Variants in GSE1 observed in about 807,000 individuals in gnomAD.
GSE1 encodes Gse1 coiled-coil protein.
A neutral mutation model predicts 112.6 loss-of-function variants in GSE1; 32 were observed. That is an observed-to-expected ratio of 0.28 (90% confidence interval 0.21 to 0.38). GSE1 has a LOEUF of 0.38. GSE1 is among the 10% of genes least tolerant of loss of function. The probability of loss-of-function intolerance (pLI) is 1.00; values close to 1 mark genes in which losing one functional copy is unlikely to be tolerated. For missense variants in GSE1, 2,348 were observed against 1,699.2 expected (o/e 1.38, Z -6.71); for synonymous variants, 1,115 against 735.6 (o/e 1.52, Z -8.35).
At chr16:85,589,810 ATGTGAGTGTGAATATGTGTGAATG>A (rs1567621337) in intron 1 of GSE1, among the ~76,000 whole-genome samples, 2 of 144,404 alleles carry the variant, frequency 1.4e-5, no homozygotes, top group African/African-American at 5.8e-5. Context: ...ACGTGTGTGA[ATGTGAGTGTGAATATGTGTGAATG>A]TGTGTGAACA....
chr16:85,298,046 A>T lies in GSE1; in HGVS notation c.2284-59417A>T, dbSNP rs77893521. ...AACAGATCACTGAGGGAAAAATGTA[A>T]AAGGCTGTAATCTCCATTCTCCAGA... On this transcript the variant is annotated intron_variant, in intron 1 of 2. Coordinates refer to the GSE1 transcript ENST00000637419. 5.4e-3 allele frequency among the ~76,000 whole-genome samples: 816 copies of T among 152,354 alleles called. 10 individuals carry two copies. Among genetic ancestry groups the T allele is most frequent in the African/African-American group, 0.019 (772 of 41,584 alleles).
chr16:85,323,654 C>T (rs1285831499), intron 1 of GSE1, among the ~76,000 whole-genome samples: 2 of 152,152 alleles, frequency 1.3e-5, no homozygotes, highest in East Asian at 3.8e-4. Flanking sequence ...ACTGCCCCCA[C>T]CCCTGATTCT....
At chr16:85,255,314 G>A (rs989946231) in intron 1 of GSE1, among the ~76,000 whole-genome samples, 11 of 152,132 alleles carry the variant, frequency 7.2e-5, no homozygotes, top group African/African-American at 2.7e-4. Context: ...GGCCCAGCCT[G>A]ACCCGCTGCC....
chr16:85,509,922 CAA>C (rs1319987147), intron 2 of GSE1, among the ~76,000 whole-genome samples: 1 of 152,234 alleles, frequency 6.6e-6, no homozygotes, highest in African/African-American at 2.4e-5. Context: ...CAGAAGCTGA[CAA>C]GAGCCATTTC....
intron 1 of GSE1, among the ~76,000 whole-genome samples, chr16:85,216,880 TCA>T (rs1174893617): frequency 2.0e-5 from 3 of 152,210 alleles, no homozygotes; most frequent in Non-Finnish European, 4.4e-5. Context: ...TCTACAGAAC[TCA>T]GTTTCCCCAA....
At chr16:85,196,294 C>T (rs2074925694) in intron 1 of GSE1, among the ~76,000 whole-genome samples, 1 of 152,052 alleles carries the variant, frequency 6.6e-6, no homozygotes, top group Non-Finnish European at 1.5e-5. Context: ...GAGAGAAGGC[C>T]CCTCTGTCCT....
chr16:85,560,955 C>T (rs1289402746), intron 1 of GSE1, among the ~76,000 whole-genome samples: 1 of 152,052 alleles, frequency 6.6e-6, no homozygotes, highest in Non-Finnish European at 1.5e-5. Context: ...ATGGTAAGAA[C>T]CCCTCTCTAC....
chr16:85,579,302 A>T (rs1469376011), intron 1 of GSE1, among the ~76,000 whole-genome samples: 2 of 152,074 alleles, frequency 1.3e-5, no homozygotes, highest in African/African-American at 4.8e-5. Flanking sequence ...TTTTCCAAAA[A>T]CTAACCCACC....
chr16:85,644,740 C>G (rs1333629501), intron 2 of GSE1, among the ~76,000 whole-genome samples: 1 of 152,010 alleles, frequency 6.6e-6, no homozygotes, highest in Non-Finnish European at 1.5e-5. Context: ...GGTCGCACAA[C>G]TCTGGACGTG....
At chr16:85,190,285 A>T (rs2074795090) in intron 1 of GSE1, among the ~76,000 whole-genome samples, 1 of 152,266 alleles carries the variant, frequency 6.6e-6, no homozygotes, top group Non-Finnish European at 1.5e-5. Context: ...ATATTTTTTA[A>T]TGCAGAAAAG....
chr16:85,632,294 C>T (rs1304196959), intron 1 of GSE1, among the ~76,000 whole-genome samples: 1 of 152,182 alleles, frequency 6.6e-6, no homozygotes, highest in African/African-American at 2.4e-5. Flanking sequence ...GGTGTGAGCT[C>T]TCACTGGGGA....
chr16:85,366,965 G>T (rs1214663953), intron 2 of GSE1, among the ~76,000 whole-genome samples: 2 of 152,330 alleles, frequency 1.3e-5, no homozygotes, highest in South Asian at 4.1e-4. Flanking sequence ...TGTCCCCGGG[G>T]CAGGGCCAGG....
At chr16:85,588,962 C>T (rs1012648590) in intron 1 of GSE1, among the ~76,000 whole-genome samples, 3 of 152,188 alleles carry the variant, frequency 2.0e-5, no homozygotes, top group South Asian at 4.1e-4. Context: ...TTCACACACA[C>T]GTTCACACTA....
At chr16:85,391,463 C>T (rs1369818059) in intron 2 of GSE1, among the ~76,000 whole-genome samples, 1 of 152,186 alleles carries the variant, frequency 6.6e-6, no homozygotes, top group Non-Finnish European at 1.5e-5. Context: ...CAGGGCCACA[C>T]TCTGCCTGGC....
At chr16:85,366,486 C>T (rs1456373858) in intron 2 of GSE1, among the ~76,000 whole-genome samples, 1 of 152,256 alleles carries the variant, frequency 6.6e-6, no homozygotes, top group Non-Finnish European at 1.5e-5. Flanking sequence ...GAGTGCAGAG[C>T]TTACAAGTTG....
chr16:85,652,762 C>T (rs1312678533), intron 3 of GSE1, among the ~76,000 whole-genome samples: 1 of 152,162 alleles, frequency 6.6e-6, no homozygotes, highest in African/African-American at 2.4e-5. Context: ...GAGACAGATG[C>T]TTCTCCACGG....
chr16:85,230,960 G>A (rs796832375), intron 1 of GSE1, among the ~76,000 whole-genome samples: 7 of 152,064 alleles, frequency 4.6e-5, no homozygotes, highest in African/African-American at 1.7e-4. Flanking sequence ...TGGATGGATA[G>A]ATGGATGGAC....
At chr16:85,639,420 C>G (rs975593239) in intron 2 of GSE1, among the ~76,000 whole-genome samples, 1 of 152,222 alleles carries the variant, frequency 6.6e-6, no homozygotes, top group African/African-American at 2.4e-5. Flanking sequence ...AGTCCCAAGA[C>G]TGGGGGGATG....
rs147273986 is a variant in GSE1, at chr16:85,668,189, C to G, written c.3180C>G (p.Ser1060=). 16 of 1,608,542 alleles carry G rather than the reference C, an allele frequency of 9.9e-6. No homozygotes were observed. The highest frequency in any genetic ancestry group is 1.4e-5 in the Non-Finnish European group (16 of 1,175,496). The part of the protein sequence containing the change: ...SAEQNHKVDT[S]VHYNIPELQS... Reference sequence around the variant, plus strand: ...AGCAGAACCACAAGGTTGACACGTCCGTCCACTACAACATTCCTGAGCTGC... The same window carrying G: ...AGCAGAACCACAAGGTTGACACGTCGGTCCACTACAACATTCCTGAGCTGC... The change falls in exon 14 of 16, where the codon TCC becomes TCG. Residue 1060 remains serine (S), a synonymous_variant. Transcript: ENST00000253458.
Sources: gnomAD v4.1 joint callset for allele counts (sites outside exome capture counted in the v4.1 genomes callset) on GRCh38, gnomAD v4.1.1 for gene constraint, MANE v1.5 for transcripts, NCBI Gene and HGNC (gene_info 2026-07-23, HGNC 2026-07-21) for gene names.